Variants in BEND7 observed in about 807,000 individuals in gnomAD.
BEND7 encodes BEN domain-containing protein 7.
A neutral mutation model predicts 50.9 loss-of-function variants in BEND7; 28 were observed. The observed-to-expected ratio is 0.55, with a 90% CI of 0.41 to 0.75. BEND7 has a LOEUF of 0.75. Ranked by LOEUF, BEND7 falls within the 30% of genes least tolerant of loss-of-function variation. BEND7 has a pLI of 0.00. For missense variants in BEND7, 477 were observed against 491.3 expected (o/e 0.97, Z 0.28); for synonymous variants, 170 against 183.9 (o/e 0.92, Z 0.61).
chr10:13,504,831 C>T (rs2077749778), intron 2 of BEND7, among the ~76,000 whole-genome samples: 1 of 152,204 alleles, frequency 6.6e-6, no homozygotes, highest in Non-Finnish European at 1.5e-5. Flanking sequence ...TGGACAAGAT[C>T]TAAAAAGATT....
chr10:13,455,712 G>A lies in BEND7; in HGVS notation c.1064-3054C>T, dbSNP rs1401113268. Among the ~76,000 whole-genome samples the A allele has an allele frequency of 3.3e-5, 5 of 152,300 alleles. No individual in the cohort carries two copies. The East Asian group carries it at 7.7e-4, about 24-fold the overall frequency. ...GGAGGGGCTGCCTCCAACAGAAGGAGGGAAATGTCCTCTTCTGAACCCACG... is the reference window on the plus strand; with the variant it reads ...GGAGGGGCTGCCTCCAACAGAAGGAAGGAAATGTCCTCTTCTGAACCCACG... On this transcript the variant is annotated intron_variant, in intron 6 of 8. Transcript: ENST00000466271.
intron 4 of BEND7, 39 bp downstream of exon 4, chr10:13,496,727 A>C (rs1197364374): frequency 6.3e-7 from 1 of 1,595,636 alleles, no homozygotes; most frequent in Non-Finnish European, 8.5e-7. Context: ...GATATGCATT[A>C]AAAATCAAAG....
At chr10:13,462,714 A>G (rs886236134) in intron 6 of BEND7, among the ~76,000 whole-genome samples, 2 of 152,198 alleles carry the variant, frequency 1.3e-5, no homozygotes, top group Non-Finnish European at 2.9e-5. Flanking sequence ...GATGTTTCAG[A>G]GGGAGAGAAT....
intron 2 of BEND7, among the ~76,000 whole-genome samples, chr10:13,509,935 C>G (rs1430320474): frequency 6.6e-6 from 1 of 152,200 alleles, no homozygotes; most frequent in African/African-American, 2.4e-5. Flanking sequence ...CTTATTTCTC[C>G]TCCAAATGCT....
At chr10:13,468,459 A>C (rs560494869) in intron 6 of BEND7, among the ~76,000 whole-genome samples, 21 of 152,332 alleles carry the variant, frequency 1.4e-4, no homozygotes, top group African/African-American at 4.3e-4. Flanking sequence ...AAATATGTTC[A>C]CAAGGAGAGA....
chr10:13,456,114 C>T (rs1838902467), intron 6 of BEND7, among the ~76,000 whole-genome samples: 1 of 152,122 alleles, frequency 6.6e-6, no homozygotes, highest in South Asian at 2.1e-4. Flanking sequence ...ATGAACTCAC[C>T]TCTCTACTCC....
Position 13,487,660 on chromosome 10 carries a change from A to G in BEND7, c.837+4951T>C, listed in dbSNP as rs541827554. Among the ~76,000 whole-genome samples the G allele has an allele frequency of 1.3e-3, 204 of 152,204 alleles. 3 individuals carry two copies. Among genetic ancestry groups the G allele is most frequent in the African/African-American group, 4.5e-3 (189 of 41,564 alleles). On this transcript the variant is annotated intron_variant, in intron 5 of 8. Coordinates refer to ENST00000466271, the MANE Select transcript of BEND7 (RefSeq NM_001369863.1). ...CTCAGCCTCCCAAAGTGCTAGGATT[A>G]CAGGCGTGAGCCACCGCACCTGGCC...
intron 4 of BEND7, among the ~76,000 whole-genome samples, chr10:13,496,553 T>C (rs1178527926): frequency 1.3e-5 from 2 of 152,200 alleles, no homozygotes; most frequent in Non-Finnish European, 2.9e-5. Context: ...CACATAATTA[T>C]ATGAGCTGTA....
At chr10:13,522,380 T>G (rs948280027) in intron 2 of BEND7, among the ~76,000 whole-genome samples, 2 of 152,166 alleles carry the variant, frequency 1.3e-5, no homozygotes, top group African/African-American at 4.8e-5. Context: ...GGAAAGATCT[T>G]TTGAGAGGAG....
intron 2 of BEND7, among the ~76,000 whole-genome samples, chr10:13,503,601 T>C (rs767195063): frequency 3.3e-5 from 5 of 152,128 alleles, no homozygotes; most frequent in Non-Finnish European, 7.3e-5. Context: ...TAGTTCCAGC[T>C]ACTCGGAGGC....
intron 2 of BEND7, among the ~76,000 whole-genome samples, chr10:13,504,950 C>A (rs1382079228): frequency 6.6e-6 from 1 of 152,144 alleles, no homozygotes; most frequent in African/African-American, 2.4e-5. Context: ...CATGTGAGGG[C>A]AACACAGAAG....
intron 5 of BEND7, among the ~76,000 whole-genome samples, chr10:13,481,823 C>T (rs2075881836): frequency 6.6e-6 from 1 of 152,244 alleles, no homozygotes; most frequent in Non-Finnish European, 1.5e-5. Flanking sequence ...TAGCACACTG[C>T]TTCCCTGGCA....
intron 2 of BEND7, among the ~76,000 whole-genome samples, chr10:13,513,331 C>G (rs566274187): frequency 6.6e-6 from 1 of 152,328 alleles, no homozygotes; most frequent in African/African-American, 2.4e-5. Flanking sequence ...CCACTGACTA[C>G]CTGCACAAGA....
At chr10:13,439,429 A>C, downstream of BEND7, 1 of 1,614,012 alleles carries the variant, frequency 6.2e-7, no homozygotes, top group Non-Finnish European at 8.5e-7. Context: ...GTCTGAGGTG[A>C]GCTCTGCAAG....
At position 13,528,459 on chromosome 10, in the gene BEND7, C is replaced by T; in HGVS notation, c.61+14G>A. 1 of 1,014,460 alleles carries T rather than the reference C, an allele frequency of 9.9e-7. No individual in the cohort carries two copies. Among genetic ancestry groups the T allele is most frequent in the Non-Finnish European group, 1.2e-6 (1 of 851,134 alleles). 62.8% of individuals were successfully genotyped at this position (1,014,460 alleles called of 1,614,324 possible). ...CGCCCGCTGCCTGCCCCCGCCGCCC[C>T]GGCGGCCGCTTACCTCGGCTCACCA... On this transcript the variant is annotated intron_variant, in intron 1 of 8. Transcript: ENST00000466271.
intron 6 of BEND7, among the ~76,000 whole-genome samples, chr10:13,467,119 A>G (rs777915250): frequency 6.6e-6 from 1 of 152,140 alleles, no homozygotes; most frequent in Non-Finnish European, 1.5e-5. Context: ...GTAGGATTCA[A>G]TTTCCTGTTC....
At chr10:13,518,161 A>G (rs1366582910) in intron 2 of BEND7, among the ~76,000 whole-genome samples, 1 of 152,252 alleles carries the variant, frequency 6.6e-6, no homozygotes, top group Non-Finnish European at 1.5e-5. Context: ...AAGAAAAGTA[A>G]AAGACCACAA....
At chr10:13,473,017 G>T (rs1184300284) in intron 6 of BEND7, among the ~76,000 whole-genome samples, 1 of 152,206 alleles carries the variant, frequency 6.6e-6, no homozygotes, top group Non-Finnish European at 1.5e-5. Flanking sequence ...TACACTCAGG[G>T]CCGATATCTG....
intron 2 of BEND7, among the ~76,000 whole-genome samples, chr10:13,502,273 G>A (rs1219574159): frequency 6.6e-6 from 1 of 152,144 alleles, no homozygotes; most frequent in Admixed American, 6.5e-5. Flanking sequence ...TTTTAAAAAT[G>A]ATACTAAAAA....
Sources: gnomAD v4.1 joint callset for allele counts (sites outside exome capture counted in the v4.1 genomes callset) on GRCh38, gnomAD v4.1.1 for gene constraint, MANE v1.5 for transcripts, NCBI Gene and HGNC (gene_info 2026-07-23, HGNC 2026-07-21) for gene names.